Variants in RABGEF1 observed in about 807,000 individuals in gnomAD.
The protein encoded by RABGEF1 is rab5 GDP/GTP exchange factor.
RABGEF1 carries 26 observed loss-of-function variants against 57.3 expected under a neutral mutation model. That is an observed-to-expected ratio of 0.45 (90% CI 0.33 to 0.63). The LOEUF is 0.63. Ranked by LOEUF, RABGEF1 falls within the 20% of genes least tolerant of loss-of-function variation. The probability of loss-of-function intolerance (pLI) is 0.02; values close to 1 mark genes in which losing one functional copy is unlikely to be tolerated. For synonymous variants in RABGEF1, 185 were observed against 210.7 expected, an observed-to-expected ratio of 0.88 and a Z score of 1.06; for missense variants, 464 against 607.6, an observed-to-expected ratio of 0.76 and a Z score of 2.48.
At chr7:66,804,086 A>AT (rs776154567) in intron 7 of RABGEF1, among the ~76,000 whole-genome samples, 1,650 of 136,874 alleles carry the variant, frequency 0.012, 13 homozygotes, top group African/African-American at 0.025. Context: ...CAGTAGCTGG[A>AT]TTTTTTTTTT....
chr7:66,662,992 G>A, the RABGEF1 span, among the ~76,000 whole-genome samples: 3 of 152,220 alleles, frequency 2.0e-5, no homozygotes, highest in Non-Finnish European at 2.9e-5. Context: ...TGGCCCTAAC[G>A]CCCAAGCTGG....
chr7:66,700,630 C>T (rs1345117869), intron 1 of RABGEF1, among the ~76,000 whole-genome samples: 2 of 152,158 alleles, frequency 1.3e-5, no homozygotes, highest in African/African-American at 2.4e-5. Context: ...GGGGTTCGTG[C>T]GTAGCAGGGG....
the RABGEF1 span, among the ~76,000 whole-genome samples, chr7:66,676,568 TTC>T: frequency 1.3e-5 from 2 of 152,186 alleles, no homozygotes; most frequent in African/African-American, 4.8e-5. Context: ...GTGAACTGTA[TTC>T]TCTCTCCCCC....
At chr7:66,785,667 G>A (rs1424953260) in intron 4 of RABGEF1, among the ~76,000 whole-genome samples, 7 of 152,182 alleles carry the variant, frequency 4.6e-5, no homozygotes, top group Admixed American at 4.6e-4. Flanking sequence ...AAGGTCAGGA[G>A]ATAGAGACCA....
upstream of RABGEF1, among the ~76,000 whole-genome samples, chr7:66,738,071 A>T (rs1377123530): frequency 2.2e-5 from 3 of 138,962 alleles, no homozygotes; most frequent in African/African-American, 8.3e-5. Context: ...ACCAGGCTGG[A>T]GTGTAGTGGC....
At chr7:66,763,949 G>A (rs1440670444) in intron 1 of RABGEF1, among the ~76,000 whole-genome samples, 15 of 152,064 alleles carry the variant, frequency 9.9e-5, no homozygotes, top group Non-Finnish European at 1.5e-4. Flanking sequence ...AAACATTCAC[G>A]TACAAGTTTC....
chr7:66,728,496 T>A (rs1305773207), intron 2 of RABGEF1, among the ~76,000 whole-genome samples: 1 of 145,874 alleles, frequency 6.9e-6, no homozygotes, highest in Non-Finnish European at 1.5e-5. Flanking sequence ...TTCGATTTCA[T>A]GACCCACAAT....
chr7:66,685,314 C>T (rs1317046930), intron 1 of RABGEF1, among the ~76,000 whole-genome samples: 1 of 151,968 alleles, frequency 6.6e-6, no homozygotes, highest in Non-Finnish European at 1.5e-5. Context: ...CCACCATGCC[C>T]AGCTAATTAC....
At chr7:66,676,532 G>A in the RABGEF1 span, among the ~76,000 whole-genome samples, 6 of 152,268 alleles carry the variant, frequency 3.9e-5, no homozygotes, top group Admixed American at 1.3e-4. Context: ...GTGGACCTAC[G>A]CAGTTCGGAC....
upstream of RABGEF1, among the ~76,000 whole-genome samples, chr7:66,678,484 G>A (rs1273042232): frequency 7.0e-6 from 1 of 142,658 alleles, no homozygotes; most frequent in Non-Finnish European, 1.5e-5. Flanking sequence ...AGAATGGCGA[G>A]AACCCAGGAA....
At chr7:66,765,492 G>T in intron 1 of RABGEF1, among the ~76,000 whole-genome samples, 1 of 152,060 alleles carries the variant, frequency 6.6e-6, no homozygotes. Context: ...AACGACAAAA[G>T]TAGTTAGGGG....
At chr7:66,779,691 C>CA in intron 3 of RABGEF1, among the ~76,000 whole-genome samples, 1 of 150,080 alleles carries the variant, frequency 6.7e-6, no homozygotes, top group Non-Finnish European at 1.5e-5. Flanking sequence ...AAAAAAACAC[C>CA]AAAAACACAA....
intron 2 of RABGEF1, among the ~76,000 whole-genome samples, chr7:66,733,567 G>A (rs1474142874): frequency 2.6e-5 from 4 of 152,088 alleles, no homozygotes; most frequent in African/African-American, 7.2e-5. Flanking sequence ...GCATTGCAGC[G>A]CATTCCTGTA....
intron 1 of RABGEF1, among the ~76,000 whole-genome samples, chr7:66,744,488 G>A (rs1457107470): frequency 1.3e-5 from 2 of 151,228 alleles, no homozygotes; most frequent in African/African-American, 4.9e-5. Context: ...CTAACACGGT[G>A]AAACCCTGTC....
At chr7:66,787,443 A>G (rs1584115537) in intron 4 of RABGEF1, among the ~76,000 whole-genome samples, 1 of 150,650 alleles carries the variant, frequency 6.6e-6, no homozygotes, top group Non-Finnish European at 1.5e-5. Context: ...TCCCAGGTTC[A>G]AGCAATTTTT....
At chr7:66,742,812 G>A (rs561871910) in intron 1 of RABGEF1, among the ~76,000 whole-genome samples, 5 of 152,230 alleles carry the variant, frequency 3.3e-5, no homozygotes, top group East Asian at 1.9e-4. Context: ...TTGCTGTGTT[G>A]CCCTGGCTGA....
chr7:66,689,430 C>A (rs1156931238), intron 1 of RABGEF1, among the ~76,000 whole-genome samples: 1 of 152,034 alleles, frequency 6.6e-6, no homozygotes, highest in Non-Finnish European at 1.5e-5. Context: ...GGTACAGCAG[C>A]AAATTGAATA....
intron 1 of RABGEF1, among the ~76,000 whole-genome samples, chr7:66,749,596 G>T (rs1800955497): frequency 6.6e-6 from 1 of 152,160 alleles, no homozygotes. Flanking sequence ...TCAGGTATTA[G>T]AGGCTGCAGT....
chr7:66,793,903 A>G lies in RABGEF1; in HGVS notation c.514-1608A>G, dbSNP rs112042457. On this transcript the variant is annotated intron_variant, in intron 4 of 8. Coordinates refer to ENST00000284957, the MANE Select transcript of RABGEF1 (RefSeq NM_014504.3). The stretch of plus-strand genomic sequence containing the variant: ...TGAGGTCAGTGGCCTGTGTAGATGA[A>G]GTCTGTGACAGCCCGTCCTGGGGGT... Among the ~76,000 whole-genome samples, 486 of 152,072 alleles carry G rather than the reference A, an allele frequency of 3.2e-3. 2 individuals carry two copies. The highest frequency in any genetic ancestry group is 0.011 in the African/African-American group (466 of 41,460).
Sources: gnomAD v4.1 joint callset for allele counts (sites outside exome capture counted in the v4.1 genomes callset) on GRCh38, gnomAD v4.1.1 for gene constraint, MANE v1.5 for transcripts, NCBI Gene and HGNC (gene_info 2026-07-23, HGNC 2026-07-21) for gene names.